Variants in COL15A1 observed in about 807,000 individuals in gnomAD.
The protein encoded by COL15A1 is collagen alpha-1(XV) chain.
Under a neutral mutation model 165.9 loss-of-function variants are expected in COL15A1, and 111 were observed. That is an observed-to-expected ratio of 0.67 (90% CI 0.57 to 0.78). COL15A1 has a LOEUF of 0.78. Ranked by LOEUF, COL15A1 falls within the 30% of genes least tolerant of loss-of-function variation. The probability of loss-of-function intolerance (pLI) is 0.00; values close to 1 mark genes in which losing one functional copy is unlikely to be tolerated. For missense variants in COL15A1, 1,745 were observed against 1,789.7 expected (o/e 0.98, Z 0.45); for synonymous variants, 659 against 674.8 (o/e 0.98, Z 0.36).
Position 99,035,110 on chromosome 9 carries a change from C to T in COL15A1, c.2176C>T (p.Pro726Ser), listed in dbSNP as rs947397445. 6.2e-7 allele frequency: 1 copy of T among 1,606,398 alleles called. No individual in the cohort carries two copies. Among genetic ancestry groups the T allele is most frequent in the South Asian group, 1.1e-5 (1 of 90,400 alleles). ...GGGACCCCCAGGGCCTCCTGGACCC[C>T]CTGGGCCCCCAGGCCCTGGATGCAC... The part of the protein sequence containing the change: ...VMGPPGPPGP[P>S]GPPGPGCTMG... The change falls in exon 18 of 42, where the codon CCT becomes TCT. Residue 726 changes from proline (P) to serine (S), a missense_variant. Coordinates refer to ENST00000375001, the MANE Select transcript of COL15A1 (RefSeq NM_001855.5).
In COL15A1 at chr9:99,025,940, G is replaced by A. The variant is rs574745641; in HGVS notation, c.2017G>A (p.Gly673Ser). 18 of 1,612,492 alleles carry A rather than the reference G, an allele frequency of 1.1e-5. No individual in the cohort carries two copies. The highest frequency in any genetic ancestry group is 8.4e-5 in the Admixed American group (5 of 59,794). ...EGQPGVDGATGLPGMKGEKGA... is the reference protein window; with the variant it reads ...EGQPGVDGATSLPGMKGEKGA... ...ACAGCCTGGAGTTGATGGAGCCACC[G>A]GCCTTCCCGGGATGAAAGGGGAGAA... Residue 673 changes from glycine to serine, a missense_variant, in exon 16 of 42, where the codon GGC (glycine) becomes AGC (serine). Coordinates refer to ENST00000375001, the MANE Select transcript of COL15A1 (RefSeq NM_001855.5).
At chr9:99,014,976 G>A (rs1052800715) in intron 9 of COL15A1, among the ~76,000 whole-genome samples, 1 of 152,184 alleles carries the variant, frequency 6.6e-6, no homozygotes, top group Non-Finnish European at 1.5e-5. Flanking sequence ...AGTTCCATCT[G>A]TCCTTTGTCT....
chr9:98,998,799 A>G (rs1476400149), intron 6 of COL15A1, among the ~76,000 whole-genome samples: 1 of 152,254 alleles, frequency 6.6e-6, no homozygotes. Context: ...TCCCGGGATC[A>G]GCCACACTCC....
intron 2 of COL15A1, among the ~76,000 whole-genome samples, chr9:98,974,007 C>T (rs1228929644): frequency 6.6e-6 from 1 of 152,196 alleles, no homozygotes; most frequent in Admixed American, 6.5e-5. Context: ...GCAGAGTCCA[C>T]CTTGCAGGCT....
intron 22 of COL15A1, 50 bp from the exon 23 acceptor site, chr9:99,040,471 C>T (rs1034529515): frequency 2.5e-6 from 4 of 1,613,984 alleles, no homozygotes; most frequent in Non-Finnish European, 3.4e-6. Context: ...CCTGCTGACT[C>T]TGGAAATGCC....
Position 99,052,572 on chromosome 9 carries a change from A to G in COL15A1, c.2950+139A>G, listed in dbSNP as rs796752520. ...GCTGTAGGGGTGGGGATGGCAGCTG[A>G]GCCAAGGCTGTGGGGCTGTGCACCT... On this transcript the variant is annotated intron_variant, in intron 31 of 41. Transcript: ENST00000375001. 5.0e-5 allele frequency: 37 copies of G among 735,708 alleles called. No homozygotes were observed. The South Asian group carries it at 5.1e-4, about 10-fold the overall frequency. The allele number at this position is 735,708 out of a possible 1,614,324, so 45.6% of individuals were successfully genotyped here. A position where few individuals can be genotyped will look rare whatever the true frequency, so the allele number is the denominator to read the frequency against.
chr9:99,068,606 C>T lies in COL15A1; in HGVS notation c.3889C>T (p.Gln1297Ter). The T allele has an allele frequency of 6.4e-7, 1 of 1,551,106 alleles. No homozygotes were observed. Among genetic ancestry groups the T allele is most frequent in the Middle Eastern group, 1.7e-4 (1 of 5,910 alleles). Residue 1297 changes from glutamine (Q) to a stop codon, truncating the protein, a stop_gained, in exon 41 of 42, where the codon CAG (glutamine) becomes TAG (stop). Coordinates refer to ENST00000375001, the MANE Select transcript of COL15A1 (RefSeq NM_001855.5). LOFTEE classifies it high-confidence loss of function. ...WDSIFSGHGG[Q>*]FNMHIPIYSF... ...CTCAATTTTTTCTGGCCACGGAGGT[C>T]AGTTCAATATGCATATTCCAATATA...
At chr9:98,960,418 A>G (rs1195898175) in intron 2 of COL15A1, among the ~76,000 whole-genome samples, 4 of 152,178 alleles carry the variant, frequency 2.6e-5, no homozygotes, top group Non-Finnish European at 5.9e-5. Flanking sequence ...ATAAAAAAGA[A>G]AAAAAAGAAA....
intron 2 of COL15A1, among the ~76,000 whole-genome samples, chr9:98,975,043 A>G (rs1838120921): frequency 6.6e-6 from 1 of 151,960 alleles, no homozygotes; most frequent in African/African-American, 2.4e-5. Flanking sequence ...GCGCAGGTGG[A>G]AAGCCTTCCT....
intron 2 of COL15A1, among the ~76,000 whole-genome samples, chr9:98,979,384 G>A (rs10988451): frequency 0.48 from 73,084 of 151,972 alleles, 18,914 homozygotes; most frequent in African/African-American, 0.67. Context: ...GCGTATTCTG[G>A]TCTTTGCCAA....
intron 32 of COL15A1, 112 bp from the exon 33 acceptor site, chr9:99,054,990 C>G: frequency 1.1e-6 from 1 of 926,632 alleles, no homozygotes; most frequent in Non-Finnish European, 1.8e-6. Flanking sequence ...GTTAGCCAAC[C>G]CAGTGCAGGC....
intron 2 of COL15A1, among the ~76,000 whole-genome samples, chr9:98,960,418 A>T (rs1195898175): frequency 6.6e-6 from 1 of 152,178 alleles, no homozygotes; most frequent in Admixed American, 6.5e-5. Flanking sequence ...ATAAAAAAGA[A>T]AAAAAAGAAA....
intron 36 of COL15A1, among the ~76,000 whole-genome samples, chr9:99,060,245 TATATATA>T (rs1175762265): frequency 3.3e-5 from 4 of 121,740 alleles, no homozygotes; most frequent in East Asian, 2.6e-4. Context: ...TATATATATA[TATATATA>T]TATATTTTTT....
intron 2 of COL15A1, among the ~76,000 whole-genome samples, chr9:98,953,756 C>A (rs1253172204): frequency 6.6e-6 from 1 of 152,148 alleles, no homozygotes; most frequent in Non-Finnish European, 1.5e-5. Context: ...ACACCCTGGC[C>A]TTAGGCCTCT....
chr9:99,005,056 G>C lies in COL15A1; in HGVS notation c.1353+6G>C. On this transcript the variant is annotated splice_donor_region_variant and intron_variant, in intron 9 of 41. Coordinates refer to ENST00000375001, the MANE Select transcript of COL15A1 (RefSeq NM_001855.5). ...TCGGGGAAGAGGCCACTGTGGTAAG[G>C]ATCGTACAGTGCCCAAAGGTTGAGG... 1 of 1,592,612 alleles carries C rather than the reference G, an allele frequency of 6.3e-7. No homozygotes were observed. Among genetic ancestry groups the C allele is most frequent in the Non-Finnish European group, 8.5e-7 (1 of 1,170,198 alleles).
rs766212181 is a variant in COL15A1 at position 99,042,039 on chromosome 9, T to A, written c.2512-6T>A. The A allele has an allele frequency of 3.8e-6, 6 of 1,595,736 alleles. No homozygotes were observed. In the East Asian group the frequency reaches 1.3e-4, roughly 36 times the overall value. On this transcript the variant is annotated splice_polypyrimidine_tract_variant and splice_region_variant and intron_variant, in intron 23 of 41. Transcript: ENST00000375001. ...CAACCAAATACTATATAACAATTCC[T>A]TCCAGGGTCCTAGAGGACCAAAAGG...
chr9:98,950,384 A>G (rs541920834), intron 2 of COL15A1, among the ~76,000 whole-genome samples: 120 of 152,326 alleles, frequency 7.9e-4, no homozygotes, highest in Middle Eastern at 3.4e-3. Context: ...TTTAGTGGAT[A>G]TAAAATGGCA....
intron 28 of COL15A1, among the ~76,000 whole-genome samples, chr9:99,048,707 A>G (rs1247862043): frequency 2.4e-5 from 2 of 84,586 alleles, no homozygotes; most frequent in African/African-American, 4.9e-5. Context: ...CCCACCCCAC[A>G]ACAGTCCCCG....
intron 31 of COL15A1, among the ~76,000 whole-genome samples, chr9:99,053,415 A>G (rs965298569): frequency 6.6e-6 from 1 of 152,186 alleles, no homozygotes; most frequent in Non-Finnish European, 1.5e-5. Context: ...GGAGCAGGGG[A>G]TGGAGCTGGA....
Sources: gnomAD v4.1 joint callset for allele counts (sites outside exome capture counted in the v4.1 genomes callset) on GRCh38, gnomAD v4.1.1 for gene constraint, MANE v1.5 for transcripts, NCBI Gene and HGNC (gene_info 2026-07-23, HGNC 2026-07-21) for gene names.